The following TNFRSF10A variants were observed in gnomAD, a reference collection of about 807,000 sequenced individuals.
The protein encoded by TNFRSF10A is TNF receptor superfamily member 10a.
In TNFRSF10A, 44 loss-of-function variants were observed where a neutral mutation model predicts 42.8. The observed-to-expected ratio is 1.03, with a 90% CI of 0.81 to 1.32. The LOEUF (loss-of-function observed/expected upper bound fraction) is 1.32, where lower values mean the gene tolerates loss of function less well. Among genes scored for constraint, TNFRSF10A ranks in the 40% most tolerant of loss-of-function variants. The pLI, the probability that TNFRSF10A is intolerant of heterozygous loss-of-function variation, is 0.00. For synonymous variants in TNFRSF10A, 259 were observed against 234.2 expected (o/e 1.11, Z -0.97); for missense variants, 680 against 602.0 (o/e 1.13, Z -1.36).
chr8:23,220,755 C>A (rs1052265939), intron 1 of TNFRSF10A, among the ~76,000 whole-genome samples: 2 of 152,222 alleles, frequency 1.3e-5, no homozygotes, highest in African/African-American at 2.4e-5. Context: ...CAGGGCATGG[C>A]ACTGTCCCCA....
intron 2 of TNFRSF10A, among the ~76,000 whole-genome samples, chr8:23,205,015 C>T (rs970100905): frequency 2.0e-5 from 3 of 151,348 alleles, no homozygotes; most frequent in South Asian, 2.1e-4. Context: ...CTAAGACACT[C>T]GAAAAAGAAG....
rs765009914 is a variant in TNFRSF10A at position 23,212,212 on chromosome 8, C to G, written c.307G>C (p.Val103Leu). The G allele has an allele frequency of 1.2e-6, 2 of 1,612,976 alleles. No individual in the cohort carries two copies. Among genetic ancestry groups the G allele is most frequent in the South Asian group, 2.2e-5 (2 of 91,060 alleles). ...KFVVVGVLLQ[V>L]VPSSAATIKL... The stretch of plus-strand genomic sequence containing the variant: ...ATGGTTGCAGCTGAGCTAGGTACGA[C>G]CTGTGGGGACAAAGCAGGGACTGGC... The change falls in exon 2 of 10, where the codon GTC (valine) becomes CTC (leucine). Residue 103 changes from valine (V) to leucine (L), a missense_variant and splice_region_variant. Val to Leu is a conservative substitution (Grantham distance 32, BLOSUM62 1). Transcript: ENST00000221132.
chr8:23,214,809 A>G (rs958247530), intron 1 of TNFRSF10A, among the ~76,000 whole-genome samples: 1 of 152,254 alleles, frequency 6.6e-6, no homozygotes, highest in Non-Finnish European at 1.5e-5. Flanking sequence ...ACTGAATCAA[A>G]TATTAAATAA....
chr8:23,224,355 G>A (rs934932278), intron 1 of TNFRSF10A: 7 of 177,736 alleles, frequency 3.9e-5, no homozygotes, highest in Non-Finnish European at 5.9e-5. Context: ...GGGTGGGGAG[G>A]GAATCAGGGA....
intron 2 of TNFRSF10A, among the ~76,000 whole-genome samples, chr8:23,206,765 T>C (rs1801019426): frequency 6.6e-6 from 1 of 152,026 alleles, no homozygotes; most frequent in Non-Finnish European, 1.5e-5. Context: ...AACAAAAAAT[T>C]AGGTACCTTG....
At chr8:23,204,495 A>T (rs1800978277) in intron 2 of TNFRSF10A, among the ~76,000 whole-genome samples, 1 of 152,238 alleles carries the variant, frequency 6.6e-6, no homozygotes, top group South Asian at 2.1e-4. Flanking sequence ...TACCAAAAAA[A>T]TCTAGAAAGA....
rs754367469 is a variant in TNFRSF10A at position 23,200,551 on chromosome 8, CG to C, written c.752del (p.Pro251ArgfsTer8). On this transcript the variant is annotated frameshift_variant, in exon 6 of 10. Coordinates refer to ENST00000221132, the MANE Select transcript of TNFRSF10A (RefSeq NM_003844.4). LOFTEE classifies it high-confidence loss of function. ...CAATCAGCACAGCCACCAACAGCAA[CG>C]GAACAACCAAAGTCACAACCAAAAT... ...WVILVVTLVV[P>X]LLLVAVLIVC... 12 of 1,614,228 alleles carry C rather than the reference CG, an allele frequency of 7.4e-6. No individual in the cohort carries two copies. The highest frequency in any genetic ancestry group is 1.6e-4 in the Middle Eastern group (1 of 6,062).
chr8:23,224,569 C>G, intron 1 of TNFRSF10A, 187 bp downstream of exon 1: 1 of 720,678 alleles, frequency 1.4e-6, no homozygotes, highest in Non-Finnish European at 2.2e-6. Flanking sequence ...CCTCCAGGCC[C>G]GGGTCGCTCC....
intron 1 of TNFRSF10A, among the ~76,000 whole-genome samples, chr8:23,219,842 C>G (rs1233274635): frequency 1.3e-5 from 2 of 152,228 alleles, no homozygotes; most frequent in Non-Finnish European, 2.9e-5. Context: ...ATATTACCAA[C>G]AAACTCCAAT....
At chr8:23,213,595 C>CTCCTG (rs1554523786) in intron 1 of TNFRSF10A, among the ~76,000 whole-genome samples, 1 of 151,658 alleles carries the variant, frequency 6.6e-6, no homozygotes, top group Non-Finnish European at 1.5e-5. Flanking sequence ...CTACAGGCGC[C>CTCCTG]CGCCACCATG....
intron 2 of TNFRSF10A, among the ~76,000 whole-genome samples, chr8:23,205,151 A>G (rs1345456144): frequency 6.6e-6 from 1 of 152,174 alleles, no homozygotes; most frequent in Non-Finnish European, 1.5e-5. Flanking sequence ...CTTTAAATAG[A>G]TCGATATATT....
At chr8:23,222,525 A>G (rs1029258182) in intron 1 of TNFRSF10A, among the ~76,000 whole-genome samples, 5 of 152,248 alleles carry the variant, frequency 3.3e-5, no homozygotes, top group Admixed American at 6.5e-5. Context: ...ATGTACTGAT[A>G]GAAAACATCC....
chr8:23,211,079 T>C (rs1375134943), intron 2 of TNFRSF10A, among the ~76,000 whole-genome samples: 1 of 152,106 alleles, frequency 6.6e-6, no homozygotes, highest in Non-Finnish European at 1.5e-5. Context: ...GAAAAAGAAA[T>C]AAAAAGCATC....
intron 2 of TNFRSF10A, among the ~76,000 whole-genome samples, chr8:23,208,675 C>T (rs1801052002): frequency 6.6e-6 from 1 of 152,138 alleles, no homozygotes; most frequent in South Asian, 2.1e-4. Context: ...CCAGGATGGT[C>T]TCAATCTCCT....
At chr8:23,199,501 G>A in intron 7 of TNFRSF10A, 53 bp from the exon 8 acceptor site, 1 of 1,587,136 alleles carries the variant, frequency 6.3e-7, no homozygotes, top group Non-Finnish European at 8.6e-7. Context: ...CTCCCCACGG[G>A]GTCCGTAGGG....
chr8:23,224,595 A>T, intron 1 of TNFRSF10A, 161 bp downstream of exon 1: 1 of 957,802 alleles, frequency 1.0e-6, no homozygotes, highest in Non-Finnish European at 1.5e-6. Context: ...GGCCCCGGGG[A>T]CCCCGTTCTT....
rs868139712 is a variant in TNFRSF10A, at chr8:23,199,887, C to T, written c.830G>A (p.Arg277Lys). The change falls in exon 7 of 10, where the codon AGG becomes AAG. Residue 277 changes from arginine to lysine, a missense_variant and splice_region_variant. Transcript: ENST00000221132. ...CAGCTCCTGGAGAAATCAACTCACC[C>T]TGTCCATGCACTTGGGGTCCCCTCC... is the stretch of plus-strand genomic sequence containing the variant. ...GCGGDPKCMD[R>K]VCFWRLGLLR... 6.2e-7 allele frequency: 1 copy of T among 1,614,210 alleles called. No individual in the cohort carries two copies. The highest frequency in any genetic ancestry group is 1.1e-5 in the South Asian group (1 of 91,088).
At chr8:23,217,239 C>T (rs995448078) in intron 1 of TNFRSF10A, among the ~76,000 whole-genome samples, 2 of 151,354 alleles carry the variant, frequency 1.3e-5, no homozygotes, top group African/African-American at 2.4e-5. Context: ...TTTTTTGAGA[C>T]GGAGTCTTGC....
Position 23,212,176 on chromosome 8 carries a change from C to T in TNFRSF10A, c.343G>A (p.Asp115Asn), listed in dbSNP as rs1485577162. The T allele has an allele frequency of 6.2e-7, 1 of 1,613,656 alleles. No homozygotes were observed. The change falls in exon 2 of 10, where the codon GAT (aspartate) becomes AAT (asparagine). Residue 115 changes from aspartate to asparagine, a missense_variant. Transcript: ENST00000221132. Reference protein sequence around the residue: ...PSSAATIKLHDQSIGTQQWEH... With the variant: ...PSSAATIKLHNQSIGTQQWEH... ...CATTGCTGTGTGCCAATTGATTGAT[C>T]ATGAAGTTTGATGGTTGCAGCTGAG...
Sources: gnomAD v4.1 joint callset for allele counts (sites outside exome capture counted in the v4.1 genomes callset) on GRCh38, gnomAD v4.1.1 for gene constraint, MANE v1.5 for transcripts, NCBI Gene and HGNC (gene_info 2026-07-23, HGNC 2026-07-21) for gene names.